Variants in STOX1 observed in about 807,000 individuals in gnomAD.
STOX1 encodes the protein storkhead-box protein 1.
Under a neutral mutation model 74.8 loss-of-function variants are expected in STOX1, and 57 were observed. The ratio of observed to expected loss-of-function variants is 0.76; its 90% CI spans 0.62 to 0.95. STOX1 has a LOEUF of 0.95. STOX1 is among the 40% of genes least tolerant of loss of function. The pLI is 0.00. For missense variants in STOX1, 1,010 were observed against 1,117.0 expected (o/e 0.90, Z 1.37); for synonymous variants, 375 against 401.3 (o/e 0.93, Z 0.78).
At chr10:68,856,373 G>T (rs1346739217) in intron 1 of STOX1, among the ~76,000 whole-genome samples, 4 of 151,670 alleles carry the variant, frequency 2.6e-5, no homozygotes, top group Non-Finnish European at 5.9e-5. Flanking sequence ...ACAGCATGGC[G>T]TATGAGAGCT....
At chr10:68,871,392 C>T (rs971704070) in intron 1 of STOX1, among the ~76,000 whole-genome samples, 5 of 152,122 alleles carry the variant, frequency 3.3e-5, no homozygotes, top group South Asian at 2.1e-4. Context: ...ATATATCACC[C>T]GAAAAGGAGG....
downstream of STOX1, among the ~76,000 whole-genome samples, chr10:68,894,740 A>T (rs1435609210): frequency 1.3e-5 from 2 of 151,954 alleles, no homozygotes; most frequent in Non-Finnish European, 2.9e-5. Context: ...CGAAAAAAAA[A>T]TTTTTTTGAG....
chr10:68,885,688 T>C lies in STOX1; in HGVS notation c.1892T>C (p.Leu631Ser). ...LRKSHSHFDK[L>S]GETKQTPHSL... Reference sequence around the variant, plus strand: ...AAAAGTCATTCCCACTTTGACAAATTAGGGGAGACCAAACAGACTCCGCAT... The same window carrying C: ...AAAAGTCATTCCCACTTTGACAAATCAGGGGAGACCAAACAGACTCCGCAT... The change falls in exon 3 of 4, where the codon TTA becomes TCA. Residue 631 changes from leucine to serine, a missense_variant. By Grantham distance (145) the Leu-to-Ser change is moderately radical. Coordinates refer to ENST00000298596, the MANE Select transcript of STOX1 (RefSeq NM_152709.5). The C allele has an allele frequency of 1.2e-6, 2 of 1,614,098 alleles. No homozygotes were observed. Among genetic ancestry groups the C allele is most frequent in the Non-Finnish European group, 1.7e-6 (2 of 1,180,020 alleles).
chr10:68,880,964 G>A (rs1466004880), intron 1 of STOX1, among the ~76,000 whole-genome samples: 1 of 152,202 alleles, frequency 6.6e-6, no homozygotes, highest in African/African-American at 2.4e-5. Flanking sequence ...AAAATACTGG[G>A]ATTACAGTCC....
In STOX1 at chr10:68,885,916, G is replaced by A. The variant is rs745804017; in HGVS notation, c.2120G>A (p.Ser707Asn). The A allele has an allele frequency of 7.4e-6, 12 of 1,614,060 alleles. No individual in the cohort carries two copies. The highest frequency in any genetic ancestry group is 9.3e-6 in the Non-Finnish European group (11 of 1,180,038). Reference protein sequence around the residue: ...KGFVQDAETTSLENEQLSNDD... With the variant: ...KGFVQDAETTNLENEQLSNDD... ...TTTGTCCAGGATGCAGAGACTACAA[G>A]CCTAGAAAATGAACAGCTTTCTAAC... is the stretch of plus-strand genomic sequence containing the variant. The change falls in exon 3 of 4, where the codon AGC (serine) becomes AAC (asparagine). Residue 707 changes from serine (S) to asparagine (N), a missense_variant. Ser to Asn is a conservative substitution (Grantham distance 46). Coordinates refer to ENST00000298596, the MANE Select transcript of STOX1 (RefSeq NM_152709.5).
At chr10:68,869,313 A>T (rs1840483014) in intron 1 of STOX1, among the ~76,000 whole-genome samples, 1 of 152,234 alleles carries the variant, frequency 6.6e-6, no homozygotes, top group Non-Finnish European at 1.5e-5. Context: ...AGTAGATAAT[A>T]AATATATGCT....
chr10:68,858,194 G>A (rs1413957431), intron 1 of STOX1, among the ~76,000 whole-genome samples: 2 of 152,070 alleles, frequency 1.3e-5, no homozygotes, highest in African/African-American at 4.8e-5. Flanking sequence ...TGGGTCAATG[G>A]TACAGTAATG....
rs1156930220 is a variant in STOX1 at position 68,885,657 on chromosome 10, T to C, written c.1861T>C (p.Leu621=). The C allele has an allele frequency of 1.2e-6, 2 of 1,614,198 alleles. No homozygotes were observed. Among genetic ancestry groups the C allele is most frequent in the Non-Finnish European group, 8.5e-7 (1 of 1,180,048 alleles). The stretch of plus-strand genomic sequence containing the variant: ...AGAAAATGAGGTAATTCCTGAAGTC[T>C]TGAGGAAAAGTCATTCCCACTTTGA... The part of the protein sequence containing the change: ...GGENEVIPEV[L]RKSHSHFDKL... The change falls in exon 3 of 4, where the codon TTG becomes CTG. Residue 621 remains leucine, a synonymous_variant. Coordinates refer to ENST00000298596, the MANE Select transcript of STOX1 (RefSeq NM_152709.5).
chr10:68,843,583 C>T (rs1251692689), intron 1 of STOX1, among the ~76,000 whole-genome samples: 1 of 151,964 alleles, frequency 6.6e-6, no homozygotes, highest in East Asian at 1.9e-4. Context: ...TCTTGTTGCC[C>T]TGGCTGGAGT....
At chr10:68,830,201 T>A (rs762826325) in intron 1 of STOX1, among the ~76,000 whole-genome samples, 1 of 152,134 alleles carries the variant, frequency 6.6e-6, no homozygotes, top group Non-Finnish European at 1.5e-5. Flanking sequence ...TAATGCTGCC[T>A]CATAGCACAA....
At chr10:68,829,811 T>C (rs989643381) in intron 1 of STOX1, among the ~76,000 whole-genome samples, 1 of 151,934 alleles carries the variant, frequency 6.6e-6, no homozygotes, top group African/African-American at 2.4e-5. Context: ...GTGAAGAAAA[T>C]AGGTTTCTGG....
At chr10:68,875,606 C>G (rs1840655792) in intron 1 of STOX1, among the ~76,000 whole-genome samples, 1 of 152,282 alleles carries the variant, frequency 6.6e-6, no homozygotes, top group South Asian at 2.1e-4. Context: ...CCTTCTTCTT[C>G]AGGCTTATGG....
At position 68,885,043 on chromosome 10, in the gene STOX1, AG is replaced by A. The variant is rs770352026; in HGVS notation, c.1250del (p.Gly417ValfsTer55). On this transcript the variant is annotated frameshift_variant, in exon 3 of 4. Coordinates refer to ENST00000298596, the MANE Select transcript of STOX1 (RefSeq NM_152709.5). LOFTEE classifies it high-confidence loss of function. ...TCAAAAGAGGGGGTTAAGAAAAGGC[AG>A]GGTCTGTCTGCAAAACCTCAAGGGC... Reference protein sequence around the residue: ...YPSKEGVKKRQGLSAKPQGQG... With the variant: ...YPSKEGVKKRXGLSAKPQGQG... The A allele has an allele frequency of 6.2e-7, 1 of 1,614,202 alleles. No homozygotes were observed. Among genetic ancestry groups the A allele is most frequent in the East Asian group, 2.2e-5 (1 of 44,894 alleles).
chr10:68,848,643 A>G (rs1160489324), intron 1 of STOX1, among the ~76,000 whole-genome samples: 1 of 152,156 alleles, frequency 6.6e-6, no homozygotes, highest in African/African-American at 2.4e-5. Context: ...ACAGTGAGCT[A>G]TCAGTGAATG....
rs776459128 is a variant in STOX1, at chr10:68,871,365, A to G, written c.311-10593A>G. Reference sequence around the variant, plus strand: ...TTCCAGGCCCTCTGAGACCCAACTGATAGTCAATATTAGTGAATATATCAC... The same window carrying G: ...TTCCAGGCCCTCTGAGACCCAACTGGTAGTCAATATTAGTGAATATATCAC... On this transcript the variant is annotated intron_variant, in intron 1 of 3. Coordinates refer to ENST00000298596, the MANE Select transcript of STOX1 (RefSeq NM_152709.5). Among the ~76,000 whole-genome samples, 30 of 152,216 alleles carry G rather than the reference A, an allele frequency of 2.0e-4. 1 individual carries two copies. The highest frequency in any genetic ancestry group is 4.4e-4 in the Non-Finnish European group (30 of 68,040).
Position 68,885,774 on chromosome 10 carries a change from G to A in STOX1, c.1978G>A (p.Asp660Asn). The stretch of plus-strand genomic sequence containing the variant: ...AACACCCTCTGCTTGTAGATTAGTG[G>A]ATAACACAATACACCAGTTTCAAAA... ...DRTPSACRLV[D>N]NTIHQFQNLG... The change falls in exon 3 of 4, where the codon GAT becomes AAT. Residue 660 changes from aspartate to asparagine, a missense_variant. Physicochemically the swap from Asp to Asn is conservative, Grantham distance 23 (BLOSUM62 1). Coordinates refer to ENST00000298596, the MANE Select transcript of STOX1 (RefSeq NM_152709.5). 1 of 1,614,034 alleles carries A rather than the reference G, an allele frequency of 6.2e-7. No individual in the cohort carries two copies. Among genetic ancestry groups the A allele is most frequent in the Non-Finnish European group, 8.5e-7 (1 of 1,180,018 alleles).
intron 1 of STOX1, among the ~76,000 whole-genome samples, chr10:68,838,187 C>T (rs1019692130): frequency 6.6e-6 from 1 of 151,940 alleles, no homozygotes; most frequent in African/African-American, 2.4e-5. Flanking sequence ...CCATCTCAGC[C>T]TCTCCAGTAG....
chr10:68,858,596 C>T (rs150764267), intron 1 of STOX1, among the ~76,000 whole-genome samples: 1 of 152,184 alleles, frequency 6.6e-6, no homozygotes, highest in African/African-American at 2.4e-5. Context: ...CTGTAATCAA[C>T]TTGAAAGCAG....
Position 68,833,640 on chromosome 10 carries a change from C to T in STOX1, c.310+5707C>T, listed in dbSNP as rs536294094. Among the ~76,000 whole-genome samples the T allele has an allele frequency of 1.7e-4, 26 of 152,196 alleles. No homozygotes were observed. In the South Asian group the frequency reaches 3.1e-3, roughly 18 times the overall value. ...TTTATAATGCCTTTCCATACAATGT[C>T]GGGAATCTGTAGATAACATAACCAG... On this transcript the variant is annotated intron_variant, in intron 1 of 3. Transcript: ENST00000298596.
Sources: gnomAD v4.1 joint callset for allele counts (sites outside exome capture counted in the v4.1 genomes callset) on GRCh38, gnomAD v4.1.1 for gene constraint, MANE v1.5 for transcripts, NCBI Gene and HGNC (gene_info 2026-07-23, HGNC 2026-07-21) for gene names.